DHRSX: variants seen among roughly 807,000 people sequenced by gnomAD.
DHRSX encodes dehydrogenase/reductase X-linked, also known as polyprenol dehydrogenase.
A neutral mutation model predicts 34.0 loss-of-function variants in DHRSX; 31 were observed. The ratio of observed to expected loss-of-function variants is 0.91; its 90% confidence interval spans 0.69 to 1.23. The LOEUF (loss-of-function observed/expected upper bound fraction) is 1.23. Ranked by LOEUF, DHRSX falls within the 50% of genes most tolerant of loss-of-function variation. The probability of loss-of-function intolerance (pLI) is 0.00; values close to 1 mark genes in which losing one functional copy is unlikely to be tolerated. For missense variants in DHRSX, 414 were observed against 428.1 expected (o/e 0.97, Z 0.29); for synonymous variants, 201 against 183.8 (o/e 1.09, Z -0.76).
chrX:2,397,221 A>G (rs915637983), intron 3 of DHRSX, among the ~76,000 whole-genome samples: 2 of 151,530 alleles, frequency 1.3e-5, no homozygotes, highest in African/African-American at 4.9e-5. Context: ...GCTGGTCTTG[A>G]AGTCCTGGGC....
intron 3 of DHRSX, among the ~76,000 whole-genome samples, chrX:2,335,092 G>A (rs1196557983): frequency 7.2e-5 from 11 of 151,848 alleles, no homozygotes; most frequent in Non-Finnish European, 1.2e-4. Flanking sequence ...GGCTGAGGCA[G>A]GGGAATCGCT....
intron 5 of DHRSX, among the ~76,000 whole-genome samples, chrX:2,258,221 T>C (rs1282255731): frequency 6.6e-6 from 1 of 151,110 alleles, no homozygotes; most frequent in Non-Finnish European, 1.5e-5. Flanking sequence ...GATAGCAGCC[T>C]GAGATGGAGT....
intron 4 of DHRSX, among the ~76,000 whole-genome samples, chrX:2,269,777 G>A (rs1271344137): frequency 6.6e-6 from 1 of 151,910 alleles, no homozygotes. Context: ...TGACCTCAGG[G>A]GATCCGCCCA....
intron 6 of DHRSX, among the ~76,000 whole-genome samples, chrX:2,238,157 C>T (rs71207524): frequency 0.026 from 3,895 of 152,104 alleles, 96 homozygotes; most frequent in African/African-American, 0.06. Context: ...AACTGGAGAC[C>T]CGGCTGGACA....
chrX:2,239,444 G>A (rs1200287035), intron 6 of DHRSX, among the ~76,000 whole-genome samples: 1 of 151,444 alleles, frequency 6.6e-6, no homozygotes, highest in African/African-American at 2.4e-5. Flanking sequence ...GGGTGACAGA[G>A]CAAGACCTGG....
intron 3 of DHRSX, chrX:2,334,156 A>T (rs1199439924): frequency 8.5e-6 from 1 of 117,036 alleles, no homozygotes; most frequent in South Asian, 2.5e-4. Context: ...CTGTTGTTTT[A>T]ACTCAAAAGT....
chrX:2,473,138 G>C (rs1210916421), intron 1 of DHRSX, among the ~76,000 whole-genome samples: 1 of 143,112 alleles, frequency 7.0e-6, no homozygotes, highest in Non-Finnish European at 1.5e-5. Flanking sequence ...GGCACAGTCA[G>C]CTCGCCACAG....
intron 2 of DHRSX, among the ~76,000 whole-genome samples, chrX:2,420,239 T>A (rs1265792876): frequency 6.6e-6 from 1 of 151,032 alleles, no homozygotes; most frequent in Non-Finnish European, 1.5e-5. Context: ...AAACCCCCCC[T>A]CTACTAAAAA....
chrX:2,463,476 A>G (rs1192238958), intron 1 of DHRSX, among the ~76,000 whole-genome samples: 1 of 150,470 alleles, frequency 6.6e-6, no homozygotes, highest in African/African-American at 2.5e-5. Flanking sequence ...GAAACACACT[A>G]GAGGTCTCTG....
chrX:2,443,224 G>A (rs895400460), intron 1 of DHRSX, among the ~76,000 whole-genome samples: 2 of 151,754 alleles, frequency 1.3e-5, no homozygotes, highest in South Asian at 4.2e-4. Context: ...TATAGACGGG[G>A]GTCTCACTGC....
At chrX:2,354,520 G>A (rs1237824395) in intron 3 of DHRSX, among the ~76,000 whole-genome samples, 2 of 152,176 alleles carry the variant, frequency 1.3e-5, no homozygotes, top group African/African-American at 4.8e-5. Context: ...GGAGTGCAGT[G>A]GCGCAATCTC....
intron 1 of DHRSX, among the ~76,000 whole-genome samples, chrX:2,481,007 T>A (rs964033407): frequency 3.9e-5 from 6 of 152,142 alleles, no homozygotes; most frequent in African/African-American, 1.4e-4. Flanking sequence ...GAGTTAGGAT[T>A]ATGTGAATAT....
chrX:2,321,785 C>T (rs983918689), intron 3 of DHRSX, among the ~76,000 whole-genome samples: 1 of 152,086 alleles, frequency 6.6e-6, no homozygotes, highest in Non-Finnish European at 1.5e-5. Flanking sequence ...CTTCTACGGG[C>T]ATTTTCTTCT....
At chrX:2,495,763 C>G (rs2045268339) in intron 1 of DHRSX, among the ~76,000 whole-genome samples, 1 of 151,992 alleles carries the variant, frequency 6.6e-6, no homozygotes, top group Non-Finnish European at 1.5e-5. Context: ...TGCAGCATCC[C>G]CAGTGCGGGG....
chrX:2,349,586 C>T (rs1225456969), intron 3 of DHRSX, among the ~76,000 whole-genome samples: 1 of 150,838 alleles, frequency 6.6e-6, no homozygotes, highest in Non-Finnish European at 1.5e-5. Context: ...ACTTGGGAGG[C>T]TGAGGCAAGA....
intron 5 of DHRSX, among the ~76,000 whole-genome samples, chrX:2,250,510 A>C (rs1428192601): frequency 2.0e-5 from 3 of 152,100 alleles, no homozygotes; most frequent in Non-Finnish European, 4.4e-5. Context: ...GGGGTGACCA[A>C]TTCCCGGAGC....
intron 3 of DHRSX, among the ~76,000 whole-genome samples, chrX:2,311,603 A>G (rs182675163): frequency 3.4e-4 from 52 of 152,314 alleles, no homozygotes; most frequent in African/African-American, 1.2e-3. Context: ...AGCTTGTGTA[A>G]GTAAAGAGGA....
At chrX:2,235,151 G>A (rs1166654539) in intron 6 of DHRSX, among the ~76,000 whole-genome samples, 3 of 152,140 alleles carry the variant, frequency 2.0e-5, no homozygotes, top group African/African-American at 4.8e-5. Context: ...AAAGCAGGCC[G>A]TTCTCCTAAC....
chrX:2,481,871 A>C (rs1465130702), intron 1 of DHRSX, among the ~76,000 whole-genome samples: 1 of 152,156 alleles, frequency 6.6e-6, no homozygotes, highest in Non-Finnish European at 1.5e-5. Flanking sequence ...AACTGCACTG[A>C]GCCGGCTCCC....
Sources: allele counts gnomAD v4.1 joint callset (sites outside exome capture counted in the v4.1 genomes callset), GRCh38; gene constraint gnomAD v4.1.1; transcripts MANE v1.5; gene names NCBI Gene and HGNC (gene_info 2026-07-23, HGNC 2026-07-21).